FKBP1A: variants seen among roughly 807,000 people sequenced by gnomAD.
The protein encoded by FKBP1A is FKBP prolyl isomerase 1A.
In FKBP1A, 5 loss-of-function variants were observed where a neutral mutation model predicts 14.2. The observed-to-expected ratio is 0.35, with a 90% CI of 0.18 to 0.74. The LOEUF is 0.74. Among genes scored for constraint, FKBP1A ranks in the 30% least tolerant of loss-of-function variants. The pLI is 0.56. For missense variants in FKBP1A, 53 were observed against 138.8 expected (o/e 0.38, Z 3.10); for synonymous variants, 42 against 49.1 (o/e 0.86, Z 0.60).
Position 1,392,943 on chromosome 20 carries a change from G to GCCCCC in FKBP1A, c.37+18_37+19insGGGGG. ...CGCGGCGGCAGAGGTACTCCGAGCC[G>GCCCCC]CCGCGCGCCACTACTCACCGTCTCC... On this transcript the variant is annotated intron_variant, in intron 1 of 4. Coordinates refer to ENST00000400137, the MANE Select transcript of FKBP1A (RefSeq NM_000801.5). The GCCCCC allele has an allele frequency of 1.5e-6, 1 of 671,256 alleles. No homozygotes were observed. The highest frequency in any genetic ancestry group is 2.3e-6 in the Non-Finnish European group (1 of 441,220). The allele number at this position is 671,256 out of a possible 1,614,324, so 41.6% of individuals were successfully genotyped here.
chr20:1,385,994 A>G (rs2089665444), intron 2 of FKBP1A, among the ~76,000 whole-genome samples: 3 of 152,302 alleles, frequency 2.0e-5, no homozygotes, highest in Admixed American at 6.5e-5. Context: ...CTTATTAATC[A>G]TATTTATTAT....
chr20:1,392,744 C>T (rs2089755110), intron 2 of FKBP1A, 90 bp downstream of exon 2: 1 of 982,160 alleles, frequency 1.0e-6, no homozygotes, highest in East Asian at 3.5e-5. Flanking sequence ...CCCCGGACCC[C>T]AGGCCCCGGG....
intron 2 of FKBP1A, among the ~76,000 whole-genome samples, chr20:1,384,475 G>A (rs1212675605): frequency 6.6e-6 from 1 of 152,160 alleles, no homozygotes; most frequent in Non-Finnish European, 1.5e-5. Context: ...ACTATGATGG[G>A]AAACTCCACT....
At position 1,370,036 on chromosome 20, in the gene FKBP1A, C is replaced by T. The variant is rs1449512650; in HGVS notation, c.*73G>A. 2.1e-5 allele frequency: 32 copies of T among 1,550,060 alleles called. 1 individual carries two copies. In the Middle Eastern group the frequency reaches 1.5e-3, roughly 73 times the overall value. On this transcript the variant is annotated 3_prime_UTR_variant, in exon 5 of 5. Coordinates refer to ENST00000400137, the MANE Select transcript of FKBP1A (RefSeq NM_000801.5). ...GAAAAGCTCCATATGGATTCATGTG[C>T]ACATGTCTGGAGGCACCAGATCCCT...
intron 2 of FKBP1A, among the ~76,000 whole-genome samples, chr20:1,380,646 A>C (rs1436440007): frequency 1.3e-5 from 2 of 152,206 alleles, no homozygotes; most frequent in African/African-American, 4.8e-5. Flanking sequence ...AATGCTTCTC[A>C]GTATAAAACT....
intron 3 of FKBP1A, among the ~76,000 whole-genome samples, chr20:1,372,607 CA>C (rs1474726230): frequency 1.3e-5 from 2 of 152,142 alleles, no homozygotes; most frequent in Admixed American, 6.5e-5. Context: ...TGTTAAGTGC[CA>C]TCTATGCTCT....
At position 1,369,761 on chromosome 20, in the gene FKBP1A, T is replaced by C. The variant is rs960709715; in HGVS notation, c.*348A>G. 6.6e-5 allele frequency: 19 copies of C among 288,856 alleles called. No individual in the cohort carries two copies. The highest frequency in any genetic ancestry group is 3.9e-4 in the African/African-American group (18 of 45,736). The allele number at this position is 288,856 out of a possible 1,614,324, so 17.9% of individuals were successfully genotyped here. On this transcript the variant is annotated 3_prime_UTR_variant, in exon 5 of 5. Transcript: ENST00000400137. Reference sequence around the variant, plus strand: ...ACCAATTCCTATTCTAATGTTAACCTACCACTTGTGCTGTTAATACTTGAC... The same window carrying C: ...ACCAATTCCTATTCTAATGTTAACCCACCACTTGTGCTGTTAATACTTGAC...
Position 1,372,145 on chromosome 20 carries a change from G to C in FKBP1A, c.294C>G (p.Leu98=). The C allele has an allele frequency of 6.2e-7, 1 of 1,613,794 alleles. No homozygotes were observed. Among genetic ancestry groups the C allele is most frequent in the Non-Finnish European group, 8.5e-7 (1 of 1,179,758 alleles). ...GTTTTAGAAGCTCCACATCGAAGAC[G>C]AGAGTGGCATGTGGTGGGATGATGC... ...HPGIIPPHAT[L]VFDVELLKLE is the part of the protein sequence containing the mutation. Residue 98 remains leucine (L), a synonymous_variant, in exon 4 of 5, where the codon CTC becomes CTG. Coordinates refer to ENST00000400137, the MANE Select transcript of FKBP1A (RefSeq NM_000801.5).
intron 2 of FKBP1A, 134 bp from the exon 3 acceptor site, chr20:1,375,737 C>T: frequency 1.5e-6 from 1 of 688,624 alleles, no homozygotes; most frequent in Non-Finnish European, 2.6e-6. Context: ...GGGAGGGTTT[C>T]CTGTGACCTC....
At chr20:1,371,951 G>A in intron 4 of FKBP1A, 125 bp downstream of exon 4, 1 of 1,454,262 alleles carries the variant, frequency 6.9e-7, no homozygotes, top group Non-Finnish European at 9.1e-7. Flanking sequence ...ACTCAATACA[G>A]AAAGAATGCA....
At chr20:1,392,359 G>C (rs1467065725) in intron 2 of FKBP1A, among the ~76,000 whole-genome samples, 1 of 152,194 alleles carries the variant, frequency 6.6e-6, no homozygotes, top group African/African-American at 2.4e-5. Flanking sequence ...CAGCTCTGCA[G>C]ACTCGGAATT....
At chr20:1,381,738 C>G (rs980536981) in intron 2 of FKBP1A, among the ~76,000 whole-genome samples, 25 of 151,990 alleles carry the variant, frequency 1.6e-4, no homozygotes, top group Non-Finnish European at 3.2e-4. Flanking sequence ...TATTTAGCAA[C>G]AAAAAGGAAC....
chr20:1,385,841 C>G (rs2089664301), intron 2 of FKBP1A, among the ~76,000 whole-genome samples: 1 of 152,226 alleles, frequency 6.6e-6, no homozygotes, highest in African/African-American at 2.4e-5. Flanking sequence ...CTTGCTCAAA[C>G]AGTCACATAG....
At chr20:1,372,020 C>T in intron 4 of FKBP1A, 56 bp downstream of exon 4, 1 of 1,569,772 alleles carries the variant, frequency 6.4e-7, no homozygotes, top group South Asian at 1.2e-5. Context: ...AAACGCTGGG[C>T]ATAACATGGG....
intron 4 of FKBP1A, 57 bp downstream of exon 4, chr20:1,372,019 G>C: frequency 6.4e-7 from 1 of 1,569,338 alleles, no homozygotes; most frequent in Non-Finnish European, 8.6e-7. Flanking sequence ...CAAACGCTGG[G>C]CATAACATGG....
chr20:1,370,861 C>T, intron 4 of FKBP1A: 1 of 985,430 alleles, frequency 1.0e-6, no homozygotes, highest in Non-Finnish European at 1.2e-6. Context: ...GGATTTTGGC[C>T]TAGGTGCAGA....
chr20:1,371,437 G>A (rs1430196189), intron 4 of FKBP1A, among the ~76,000 whole-genome samples: 1 of 152,222 alleles, frequency 6.6e-6, no homozygotes, highest in Middle Eastern at 3.4e-3. Flanking sequence ...TCCCTTCCTA[G>A]AACTGTCTGA....
chr20:1,383,994 A>G (rs953614500), intron 2 of FKBP1A, among the ~76,000 whole-genome samples: 6 of 152,176 alleles, frequency 3.9e-5, no homozygotes, highest in Admixed American at 3.9e-4. Context: ...TCTTCTTATT[A>G]GACACAGAAG....
intron 2 of FKBP1A, among the ~76,000 whole-genome samples, chr20:1,380,124 G>C (rs2089600438): frequency 6.6e-6 from 1 of 152,014 alleles, no homozygotes; most frequent in Non-Finnish European, 1.5e-5. Flanking sequence ...AAACCACCTA[G>C]ACAAAATAGC....
Sources: allele counts gnomAD v4.1 joint callset (sites outside exome capture counted in the v4.1 genomes callset), GRCh38; gene constraint gnomAD v4.1.1; transcripts MANE v1.5; gene names NCBI Gene and HGNC (gene_info 2026-07-23, HGNC 2026-07-21).